Variants in CERS4 observed in about 807,000 individuals in gnomAD.
CERS4 encodes the protein ceramide synthase 4.
A neutral mutation model predicts 51.8 loss-of-function variants in CERS4; 65 were observed. The ratio of observed to expected loss-of-function variants is 1.26; its 90% CI spans 1.03 to 1.54. CERS4 has a LOEUF of 1.54. Ranked by LOEUF, CERS4 falls within the 40% of genes most tolerant of loss-of-function variation. The pLI is 0.00. For missense variants in CERS4, 563 were observed against 500.4 expected, an observed-to-expected ratio of 1.13 and a Z score of -1.19; for synonymous variants, 228 against 208.4, an observed-to-expected ratio of 1.09 and a Z score of -0.81.
At chr19:8,253,925 G>A (rs1164176712) in intron 3 of CERS4, among the ~76,000 whole-genome samples, 1 of 152,014 alleles carries the variant, frequency 6.6e-6, no homozygotes, top group African/African-American at 2.4e-5. Context: ...CACCCCTCCA[G>A]GGCCCCAGGG....
rs532640255 is a variant in CERS4, at chr19:8,211,268, C to T, written c.-2+406C>T. 2.0e-5 allele frequency among the ~76,000 whole-genome samples: 3 copies of T among 152,268 alleles called. No homozygotes were observed. The South Asian group carries it at 6.2e-4, about 32-fold the overall frequency. On this transcript the variant is annotated intron_variant, in intron 2 of 11. Coordinates refer to ENST00000251363, the MANE Select transcript of CERS4 (RefSeq NM_024552.3). ...GGCAGCAGAAGTGGGCCCAGGTTCC[C>T]TCCTCCCACCCGTGGGATGGCACAG... is the stretch of plus-strand genomic sequence containing the variant.
chr19:8,220,683 A>G lies in CERS4; in HGVS notation c.-2+9821A>G, dbSNP rs1599515922. ...CAAGAGGCCAGCCAGCCTCTGAGTG[A>G]CCTCCAGGGATGGGACAACCTCCAA... On this transcript the variant is annotated intron_variant, in intron 2 of 11. Transcript: ENST00000251363. Among the ~76,000 whole-genome samples, 3 of 152,194 alleles carry G rather than the reference A, an allele frequency of 2.0e-5. No homozygotes were observed. In the South Asian group the frequency reaches 6.2e-4, roughly 32 times the overall value.
intron 10 of CERS4, among the ~76,000 whole-genome samples, chr19:8,258,628 A>G (rs1969519471): frequency 6.6e-6 from 1 of 152,098 alleles, no homozygotes; most frequent in South Asian, 2.1e-4. Context: ...GAAGATCACG[A>G]GGTCAGGAGT....
At position 8,262,087 on chromosome 19, in the gene CERS4, A is replaced by G; in HGVS notation, c.1163A>G (p.Asn388Ser). Residue 388 changes from asparagine (N) to serine (S), a missense_variant, in exon 12 of 12, where the codon AAC (asparagine) becomes AGC (serine). Transcript: ENST00000251363. ...PRSRVAGRLTNRHTTAT is the reference protein window; with the variant it reads ...PRSRVAGRLTSRHTTAT ...AGCCGGGTGGCCGGGCGTCTGACCA[A>G]CAGGCACACAACAGCCACATAGCCG... The G allele has an allele frequency of 6.6e-7, 1 of 1,510,170 alleles. No individual in the cohort carries two copies. Among genetic ancestry groups the G allele is most frequent in the Non-Finnish European group, 8.8e-7 (1 of 1,134,332 alleles). 93.5% of individuals were successfully genotyped at this position (1,510,170 alleles called of 1,614,324 possible).
intron 4 of CERS4, 41 bp from the exon 5 acceptor site, chr19:8,255,566 C>A (rs779612236): frequency 1.3e-6 from 2 of 1,556,790 alleles, no homozygotes; most frequent in Non-Finnish European, 1.7e-6. Flanking sequence ...GAAGCCACCA[C>A]AGGGCCTCTG....
intron 2 of CERS4, among the ~76,000 whole-genome samples, chr19:8,247,779 T>C (rs1267807737): frequency 6.9e-6 from 1 of 145,504 alleles, no homozygotes; most frequent in Admixed American, 7.2e-5. Flanking sequence ...TGTTGCCCAG[T>C]CTTGAGTGCA....
At chr19:8,258,710 T>C (rs1458737777) in intron 10 of CERS4, among the ~76,000 whole-genome samples, 1 of 151,872 alleles carries the variant, frequency 6.6e-6, no homozygotes. Flanking sequence ...GACGTGATGG[T>C]GCATACCTGT....
At chr19:8,256,773 T>G in intron 8 of CERS4, 63 bp downstream of exon 8, 1 of 1,578,890 alleles carries the variant, frequency 6.3e-7, no homozygotes, top group South Asian at 1.2e-5. Context: ...TGCTGGGGGG[T>G]AGGGCAGCCT....
intron 2 of CERS4, among the ~76,000 whole-genome samples, chr19:8,229,394 T>G: frequency 9.1e-6 from 1 of 109,526 alleles, no homozygotes; most frequent in Admixed American, 1.0e-4. Context: ...CTTTCTTCTT[T>G]TTTCTTCTTC....
At chr19:8,256,344 G>C in intron 7 of CERS4, 58 bp downstream of exon 7, 1 of 1,581,438 alleles carries the variant, frequency 6.3e-7, no homozygotes. Flanking sequence ...CACAGTTGCT[G>C]CAGCCATGGG....
intron 2 of CERS4, among the ~76,000 whole-genome samples, chr19:8,240,767 G>A (rs1453481090): frequency 6.6e-6 from 1 of 152,126 alleles, no homozygotes; most frequent in African/African-American, 2.4e-5. Context: ...CAGGGTCCTT[G>A]GGGGTTCGGG....
chr19:8,255,446 C>T (rs919810943), intron 4 of CERS4, among the ~76,000 whole-genome samples, 161 bp from the exon 5 acceptor site: 1 of 152,218 alleles, frequency 6.6e-6, no homozygotes, highest in Non-Finnish European at 1.5e-5. Context: ...TGCAGGGCCC[C>T]ACGCTGGGAC....
At chr19:8,240,614 G>GTGTGTGTGTGTGTGTGTGTGTGTGTGT (rs148847272) in intron 2 of CERS4, 3 of 152,400 alleles carry the variant, frequency 2.0e-5, no homozygotes, top group African/African-American at 4.9e-5. Context: ...GTGTGTGTGT[G>GTGTGTGTGTGTGTGTGTGTGTGTGTGT]TTTTCATCTC....
chr19:8,245,225 TTTTA>T (rs1327805660), intron 2 of CERS4, among the ~76,000 whole-genome samples: 1 of 151,186 alleles, frequency 6.6e-6, no homozygotes, highest in Non-Finnish European at 1.5e-5. Flanking sequence ...CTATTTTTTA[TTTTA>T]TTTATATATT....
intron 4 of CERS4, among the ~76,000 whole-genome samples, chr19:8,255,036 A>G (rs1480228218): frequency 2.0e-5 from 3 of 152,116 alleles, no homozygotes; most frequent in Non-Finnish European, 4.4e-5. Context: ...CTGATAGGGA[A>G]TGGAGTAACA....
intron 2 of CERS4, among the ~76,000 whole-genome samples, chr19:8,211,743 T>C (rs1045754119): frequency 1.3e-5 from 2 of 151,232 alleles, no homozygotes; most frequent in Admixed American, 1.3e-4. Flanking sequence ...AATACAAAAA[T>C]TAGCCGGGCG....
rs539979161 is a variant in CERS4 at position 8,237,837 on chromosome 19, C to T, written c.-1-13239C>T. Among the ~76,000 whole-genome samples the T allele has an allele frequency of 6.6e-4, 101 of 152,220 alleles. 1 individual carries two copies. Among genetic ancestry groups the T allele is most frequent in the African/African-American group, 2.2e-3 (91 of 41,526 alleles). ...CTGCACACCAGCCTGGGCGACAGAG[C>T]GAGACTCCGTGTCAAAACAAAACAA... On this transcript the variant is annotated intron_variant, in intron 2 of 11. Transcript: ENST00000251363.
intron 2 of CERS4, among the ~76,000 whole-genome samples, chr19:8,215,442 G>A (rs1967258046): frequency 6.6e-6 from 1 of 150,972 alleles, no homozygotes; most frequent in Non-Finnish European, 1.5e-5. Flanking sequence ...TCACACCACT[G>A]CACTCCAGCC....
chr19:8,215,745 A>C (rs1160686962), intron 2 of CERS4, among the ~76,000 whole-genome samples: 1 of 152,090 alleles, frequency 6.6e-6, no homozygotes, highest in African/African-American at 2.4e-5. Context: ...TCCCCGTCCA[A>C]ACTGGGAGGG....
Sources: allele counts gnomAD v4.1 joint callset (sites outside exome capture counted in the v4.1 genomes callset), GRCh38; gene constraint gnomAD v4.1.1; transcripts MANE v1.5; gene names NCBI Gene and HGNC (gene_info 2026-07-23, HGNC 2026-07-21).